Variants in UBE2Q2 observed in about 807,000 individuals in gnomAD.
The protein encoded by UBE2Q2 is ubiquitin-conjugating enzyme E2 Q2.
UBE2Q2 carries 54 observed loss-of-function variants against 59.9 expected under a neutral mutation model. The ratio of observed to expected loss-of-function variants is 0.90; its 90% CI spans 0.72 to 1.13. The LOEUF (loss-of-function observed/expected upper bound fraction) is 1.13. Among genes scored for constraint, UBE2Q2 ranks in the 50% most tolerant of loss-of-function variants. The pLI, the probability that UBE2Q2 is intolerant of heterozygous loss-of-function variation, is 0.00. For missense variants in UBE2Q2, 433 were observed against 441.9 expected (o/e 0.98, Z 0.18); for synonymous variants, 165 against 155.2 (o/e 1.06, Z -0.47).
intron 3 of UBE2Q2, among the ~76,000 whole-genome samples, chr15:75,860,618 T>C (rs1897160233): frequency 6.6e-6 from 1 of 152,176 alleles, no homozygotes; most frequent in Admixed American, 6.5e-5. Flanking sequence ...GGATATTTCC[T>C]TTCTTGGTGC....
At chr15:75,877,524 A>G (rs537167347) in intron 6 of UBE2Q2, among the ~76,000 whole-genome samples, 2 of 152,286 alleles carry the variant, frequency 1.3e-5, no homozygotes, top group Admixed American at 1.3e-4. Flanking sequence ...AAGCATATCC[A>G]TAAAATAAAC....
intron 12 of UBE2Q2, among the ~76,000 whole-genome samples, chr15:75,898,548 T>C (rs1899565148): frequency 6.6e-6 from 1 of 152,174 alleles, no homozygotes. Context: ...TTCAAGAATA[T>C]AGTATATTGT....
At chr15:75,845,722 A>G (rs540546271) in intron 1 of UBE2Q2, among the ~76,000 whole-genome samples, 51 of 152,360 alleles carry the variant, frequency 3.3e-4, no homozygotes, top group African/African-American at 1.1e-3. Context: ...AGGGATACCA[A>G]ATGTTTTGCA....
rs1254497519 is a variant in UBE2Q2, at chr15:75,900,362, A to G, written c.*904A>G. On this transcript the variant is annotated 3_prime_UTR_variant, in exon 13 of 13. Coordinates refer to ENST00000267938, the MANE Select transcript of UBE2Q2 (RefSeq NM_173469.4). ...AGATACTTAATTTGGAGACTCTTACAGTAATTTTTGCCATGTCAAAACAAT... is the reference window on the plus strand; with the variant it reads ...AGATACTTAATTTGGAGACTCTTACGGTAATTTTTGCCATGTCAAAACAAT... The G allele has an allele frequency of 6.6e-6, 1 of 152,630 alleles. No individual in the cohort carries two copies. Among genetic ancestry groups the G allele is most frequent in the Non-Finnish European group, 1.5e-5 (1 of 68,036 alleles). The allele number at this position is 152,630 out of a possible 1,614,324, so 9.5% of individuals were successfully genotyped here. A position where few individuals can be genotyped will look rare whatever the true frequency, so the allele number is the denominator to read the frequency against.
intron 1 of UBE2Q2, chr15:75,844,131 C>T: frequency 7.1e-7 from 1 of 1,413,410 alleles, no homozygotes; most frequent in African/African-American, 1.5e-5. Flanking sequence ...GGGGAGTCCG[C>T]GGCGGCCCAA....
chr15:75,894,165 T>C (rs530071103), intron 11 of UBE2Q2, among the ~76,000 whole-genome samples: 2 of 152,210 alleles, frequency 1.3e-5, no homozygotes, highest in Admixed American at 6.5e-5. Context: ...TCATTACTTA[T>C]CAGAGACTAA....
intron 3 of UBE2Q2, among the ~76,000 whole-genome samples, chr15:75,863,790 G>A (rs1311173051): frequency 6.6e-6 from 1 of 151,998 alleles, no homozygotes; most frequent in African/African-American, 2.4e-5. Context: ...TTACAGGTGT[G>A]CACCACCACG....
In UBE2Q2 at chr15:75,843,777, G is replaced by T; in HGVS notation, c.111G>T (p.Gln37His). ...GGAAGCTGGACGAGCTGCACTGCCA[G>T]TTCCTGGTGCCGCAGCAGGGCAGCC... Reference protein sequence around the residue: ...VSWKLDELHCQFLVPQQGSPH... With the variant: ...VSWKLDELHCHFLVPQQGSPH... The change falls in exon 1 of 13, where the codon CAG becomes CAT. Residue 37 changes from glutamine (Q) to histidine (H), a missense_variant. Coordinates refer to ENST00000267938, the MANE Select transcript of UBE2Q2 (RefSeq NM_173469.4). 6.2e-7 allele frequency: 1 copy of T among 1,609,970 alleles called. No homozygotes were observed. Among genetic ancestry groups the T allele is most frequent in the East Asian group, 2.2e-5 (1 of 44,592 alleles).
chr15:75,846,693 A>G (rs929750264), intron 1 of UBE2Q2, among the ~76,000 whole-genome samples: 1 of 152,214 alleles, frequency 6.6e-6, no homozygotes, highest in African/African-American at 2.4e-5. Flanking sequence ...AAAGGTAATG[A>G]GTTTGACTTA....
intron 3 of UBE2Q2, among the ~76,000 whole-genome samples, chr15:75,861,346 C>A (rs1897200443): frequency 6.6e-6 from 1 of 152,182 alleles, no homozygotes; most frequent in Admixed American, 6.5e-5. Flanking sequence ...TCATGGCATT[C>A]TGAGTTTCAG....
At chr15:75,889,872 T>C (rs763966537) in intron 9 of UBE2Q2, among the ~76,000 whole-genome samples, 4 of 152,256 alleles carry the variant, frequency 2.6e-5, no homozygotes, top group East Asian at 1.9e-4. Flanking sequence ...CCAGAAGTTA[T>C]CTTTTGTTCA....
At chr15:75,881,771 G>A (rs1898441851) in intron 8 of UBE2Q2, among the ~76,000 whole-genome samples, 1 of 152,238 alleles carries the variant, frequency 6.6e-6, no homozygotes, top group South Asian at 2.1e-4. Flanking sequence ...AGGAGGGAAT[G>A]TGACCTTGTT....
intron 11 of UBE2Q2, among the ~76,000 whole-genome samples, chr15:75,896,324 T>C (rs1899419834): frequency 6.6e-6 from 1 of 152,212 alleles, no homozygotes; most frequent in African/African-American, 2.4e-5. Context: ...TGTGTGAATT[T>C]ATTATGCAAA....
chr15:75,895,529 T>A (rs1899364338), intron 11 of UBE2Q2, among the ~76,000 whole-genome samples: 1 of 151,578 alleles, frequency 6.6e-6, no homozygotes, highest in Non-Finnish European at 1.5e-5. Context: ...AAGACTACCC[T>A]GTAGAAAAAT....
At chr15:75,877,726 C>T (rs1406849109) in intron 6 of UBE2Q2, among the ~76,000 whole-genome samples, 5 of 152,094 alleles carry the variant, frequency 3.3e-5, no homozygotes, top group African/African-American at 9.7e-5. Context: ...TCAGACTAAA[C>T]GGTAAGCAGT....
At chr15:75,854,263 G>A in intron 1 of UBE2Q2, 123 bp from the exon 2 acceptor site, 1 of 624,020 alleles carries the variant, frequency 1.6e-6, no homozygotes, top group South Asian at 2.4e-5. Flanking sequence ...TTAATATGTT[G>A]CCTTTTCCCC....
Position 75,883,453 on chromosome 15 carries a change from A to AT in UBE2Q2, c.884+36dup, listed in dbSNP as rs758189563. 5.7e-6 allele frequency: 9 copies of AT among 1,590,378 alleles called. No homozygotes were observed. The African/African-American group carries it at 9.5e-5, about 17-fold the overall frequency. On this transcript the variant is annotated intron_variant, in intron 9 of 12. Transcript: ENST00000267938. ...AGTTTAAGTGACTACTTAAAAAGAA[A>AT]TTTTTTTCAGTTAAAAAAAATTTTT...
intron 8 of UBE2Q2, 142 bp downstream of exon 8, chr15:75,879,330 C>T (rs879831817): frequency 2.7e-5 from 14 of 510,862 alleles, no homozygotes; most frequent in Admixed American, 1.5e-4. Context: ...TCCGTTAAGA[C>T]GTGAGTACTT....
chr15:75,866,773 A>T (rs574900787), intron 3 of UBE2Q2, among the ~76,000 whole-genome samples: 1 of 152,178 alleles, frequency 6.6e-6, no homozygotes, highest in South Asian at 2.1e-4. Context: ...TTGGGGGTGG[A>T]GGGGATCTTA....
Sources: gnomAD v4.1 joint callset for allele counts (sites outside exome capture counted in the v4.1 genomes callset) on GRCh38, gnomAD v4.1.1 for gene constraint, MANE v1.5 for transcripts, NCBI Gene and HGNC (gene_info 2026-07-23, HGNC 2026-07-21) for gene names.